The following PTPRG variants were observed in gnomAD, a reference collection of about 807,000 sequenced individuals.
PTPRG encodes the protein receptor-type tyrosine-protein phosphatase gamma.
PTPRG carries 102 observed loss-of-function variants against 165.3 expected under a neutral mutation model. That is an observed-to-expected ratio of 0.62 (90% CI 0.53 to 0.73). The LOEUF is 0.73. PTPRG is among the 30% of genes least tolerant of loss of function. The probability of loss-of-function intolerance (pLI) is 0.00; values close to 1 mark genes in which losing one functional copy is unlikely to be tolerated. For synonymous variants in PTPRG, 675 were observed against 669.5 expected, an observed-to-expected ratio of 1.01 and a Z score of -0.13; for missense variants, 1,866 against 1,861.4, an observed-to-expected ratio of 1.00 and a Z score of -0.05.
chr3:61,703,350 A>G (rs1202499664), intron 1 of PTPRG, among the ~76,000 whole-genome samples: 1 of 152,242 alleles, frequency 6.6e-6, no homozygotes, highest in African/African-American at 2.4e-5. Flanking sequence ...AAAGGGTTGT[A>G]AAGAAATCAG....
At chr3:61,754,919 T>C (rs2033581307) in intron 2 of PTPRG, among the ~76,000 whole-genome samples, 1 of 152,128 alleles carries the variant, frequency 6.6e-6, no homozygotes, top group Non-Finnish European at 1.5e-5. Flanking sequence ...TCCTAAAGCC[T>C]CCTCCAAAAT....
intron 5 of PTPRG, among the ~76,000 whole-genome samples, chr3:62,110,206 T>C (rs941789942): frequency 6.7e-6 from 1 of 149,918 alleles, no homozygotes; most frequent in East Asian, 2.0e-4. Flanking sequence ...TATATTAAAT[T>C]TTCCCTGCTC....
chr3:61,934,656 A>G (rs1175843762), intron 2 of PTPRG, among the ~76,000 whole-genome samples: 1 of 152,102 alleles, frequency 6.6e-6, no homozygotes, highest in East Asian at 1.9e-4. Flanking sequence ...AGTATAGAGT[A>G]TGTCTCATTC....
At chr3:61,777,945 A>C (rs145870866) in intron 2 of PTPRG, among the ~76,000 whole-genome samples, 1 of 152,280 alleles carries the variant, frequency 6.6e-6, no homozygotes, top group East Asian at 1.9e-4. Context: ...TCAGATACCA[A>C]GTGTATTTAG....
intron 4 of PTPRG, among the ~76,000 whole-genome samples, chr3:62,050,500 C>G (rs554244657): frequency 1.3e-5 from 2 of 152,294 alleles, no homozygotes; most frequent in South Asian, 2.1e-4. Flanking sequence ...AGAACATATC[C>G]CTGTTGTTAA....
intron 1 of PTPRG, among the ~76,000 whole-genome samples, chr3:61,663,920 G>A (rs1316381299): frequency 1.3e-5 from 2 of 152,112 alleles, no homozygotes; most frequent in African/African-American, 4.8e-5. Context: ...TGTGCAGCTC[G>A]GTTCCTGACA....
At chr3:61,840,038 CATAT>C (rs1417771852) in intron 2 of PTPRG, among the ~76,000 whole-genome samples, 1 of 152,156 alleles carries the variant, frequency 6.6e-6, no homozygotes, top group Non-Finnish European at 1.5e-5. Context: ...ATATAGCACA[CATAT>C]ATTTATGTAT....
At chr3:62,208,111 A>G (rs1700274223) in intron 12 of PTPRG, among the ~76,000 whole-genome samples, 2 of 152,154 alleles carry the variant, frequency 1.3e-5, no homozygotes, top group Admixed American at 1.3e-4. Flanking sequence ...CCTCTACTGT[A>G]GTGTTGATTG....
intron 3 of PTPRG, among the ~76,000 whole-genome samples, chr3:61,995,560 A>C (rs2041012483): frequency 6.6e-6 from 1 of 151,542 alleles, no homozygotes; most frequent in Non-Finnish European, 1.5e-5. Context: ...TTCTAGGAAA[A>C]GTGTGTTTGT....
At chr3:62,258,270 T>G (rs1175324148) in intron 16 of PTPRG, among the ~76,000 whole-genome samples, 1 of 152,134 alleles carries the variant, frequency 6.6e-6, no homozygotes, top group African/African-American at 2.4e-5. Context: ...CAACTGGACA[T>G]TAAGAGGAGC....
rs1048531917 is a variant in PTPRG, at chr3:62,124,215, G to A, written c.616-8387G>A. The A allele has an allele frequency of 2.3e-5, 23 of 988,208 alleles. No individual in the cohort carries two copies. The African/African-American group carries it at 3.0e-4, about 13-fold the overall frequency. The allele number at this position is 988,208 out of a possible 1,614,324, so 61.2% of individuals were successfully genotyped here. ...GAAGTCATGATTATTCAGCCACACA[G>A]TGCTTTCCTGTCATTTGACATTAAC... On this transcript the variant is annotated intron_variant, in intron 5 of 29. Transcript: ENST00000474889.
chr3:61,700,397 A>G (rs1361591327), intron 1 of PTPRG, among the ~76,000 whole-genome samples: 2 of 152,226 alleles, frequency 1.3e-5, no homozygotes, highest in Non-Finnish European at 2.9e-5. Context: ...AGTCCTGACT[A>G]GATAGAAATG....
At chr3:61,959,649 C>T (rs571537897) in intron 2 of PTPRG, among the ~76,000 whole-genome samples, 2 of 152,112 alleles carry the variant, frequency 1.3e-5, no homozygotes, top group East Asian at 1.9e-4. Flanking sequence ...GCAACTGTGC[C>T]GCTCAAAGGT....
chr3:62,103,378 C>G, intron 5 of PTPRG, among the ~76,000 whole-genome samples: 1 of 152,308 alleles, frequency 6.6e-6, no homozygotes, highest in East Asian at 1.9e-4. Flanking sequence ...GCCTTCTCCT[C>G]CCACATGTCT....
chr3:61,683,544 C>G (rs1703521033), intron 1 of PTPRG, among the ~76,000 whole-genome samples: 1 of 152,260 alleles, frequency 6.6e-6, no homozygotes, highest in Non-Finnish European at 1.5e-5. Context: ...ACTTGGCCGT[C>G]TCAGGAACAC....
At chr3:62,188,435 G>T (rs1354165124) in intron 8 of PTPRG, among the ~76,000 whole-genome samples, 3 of 152,124 alleles carry the variant, frequency 2.0e-5, no homozygotes, top group Non-Finnish European at 4.4e-5. Flanking sequence ...TCTATCAATT[G>T]TGCGTATGTA....
intron 1 of PTPRG, among the ~76,000 whole-genome samples, chr3:61,605,174 TGA>T: frequency 6.6e-6 from 1 of 152,336 alleles, no homozygotes; most frequent in East Asian, 1.9e-4. Context: ...AGTTAAGTAC[TGA>T]GAGAACCCTA....
At chr3:61,963,370 A>G (rs1211866482) in intron 2 of PTPRG, among the ~76,000 whole-genome samples, 1 of 152,184 alleles carries the variant, frequency 6.6e-6, no homozygotes, top group Admixed American at 6.5e-5. Flanking sequence ...CAAACCATGA[A>G]CTGCAGTAAA....
chr3:62,031,198 A>T (rs1168957351), intron 4 of PTPRG, among the ~76,000 whole-genome samples: 2 of 152,248 alleles, frequency 1.3e-5, no homozygotes, highest in East Asian at 3.9e-4. Context: ...TCATATTCTA[A>T]TTACAATTGT....
Sources: allele counts gnomAD v4.1 joint callset (sites outside exome capture counted in the v4.1 genomes callset), GRCh38; gene constraint gnomAD v4.1.1; transcripts MANE v1.5; gene names NCBI Gene and HGNC (gene_info 2026-07-23, HGNC 2026-07-21).